Variants in ANK2 observed in about 807,000 individuals in gnomAD.
ANK2 encodes ankyrin-2.
ANK2 carries 83 observed loss-of-function variants against 360.5 expected under a neutral mutation model. The ratio of observed to expected loss-of-function variants is 0.23; its 90% CI spans 0.19 to 0.28. ANK2 has a LOEUF of 0.28. Among genes scored for constraint, ANK2 ranks in the 10% least tolerant of loss-of-function variants. The probability of loss-of-function intolerance (pLI) is 1.00; values close to 1 mark genes in which losing one functional copy is unlikely to be tolerated. For missense variants in ANK2, 4,201 were observed against 4,795.7 expected, an observed-to-expected ratio of 0.88 and a Z score of 3.66; for synonymous variants, 1,740 against 1,759.5, an observed-to-expected ratio of 0.99 and a Z score of 0.28.
At chr4:112,966,235 A>G (rs1274896592) in intron 2 of ANK2, among the ~76,000 whole-genome samples, 1 of 151,690 alleles carries the variant, frequency 6.6e-6, no homozygotes, top group East Asian at 1.9e-4. Flanking sequence ...GATTAAATTG[A>G]TATCTTCTAA....
At chr4:112,722,087 C>T in the ANK2 span, among the ~76,000 whole-genome samples, 10 of 152,146 alleles carry the variant, frequency 6.6e-5, no homozygotes, top group Admixed American at 4.6e-4. Context: ...TCACATTATT[C>T]GAGCCATTTC....
At chr4:113,271,479 G>GACAC (rs3059950) in intron 14 of ANK2, among the ~76,000 whole-genome samples, 21,117 of 150,284 alleles carry the variant, frequency 0.14, 2,722 homozygotes, top group African/African-American at 0.35. Context: ...TGCACGCACA[G>GACAC]ACACACACAC....
chr4:112,705,760 G>C, the ANK2 span, among the ~76,000 whole-genome samples: 1 of 152,258 alleles, frequency 6.6e-6, no homozygotes, highest in Non-Finnish European at 1.5e-5. Context: ...AGCGGCAGCG[G>C]CTAGGGAAGC....
chr4:112,961,487 G>T (rs2034814443), intron 2 of ANK2, among the ~76,000 whole-genome samples: 2 of 152,088 alleles, frequency 1.3e-5, no homozygotes, highest in Non-Finnish European at 2.9e-5. Context: ...GAAAAAGTGT[G>T]TGTTTAATAA....
intron 18 of ANK2, among the ~76,000 whole-genome samples, chr4:113,283,546 A>T (rs555866456): frequency 6.6e-6 from 1 of 152,184 alleles, no homozygotes; most frequent in Admixed American, 6.5e-5. Flanking sequence ...ATACAATGGC[A>T]GTCAAAGATA....
chr4:112,763,409 C>G, the ANK2 span, among the ~76,000 whole-genome samples: 1 of 149,368 alleles, frequency 6.7e-6, no homozygotes, highest in Non-Finnish European at 1.5e-5. Flanking sequence ...TTTTGTATTT[C>G]TTTTAGTAGA....
chr4:113,094,644 T>C (rs2090198838), intron 1 of ANK2, among the ~76,000 whole-genome samples: 1 of 152,196 alleles, frequency 6.6e-6, no homozygotes, highest in African/African-American at 2.4e-5. Context: ...AGATATTTAG[T>C]GTACATATTT....
At chr4:112,796,655 CTTTTTTTT>C in the ANK2 span, among the ~76,000 whole-genome samples, 1 of 135,670 alleles carries the variant, frequency 7.4e-6, no homozygotes, top group Non-Finnish European at 1.6e-5. Flanking sequence ...TGGCCACCTT[CTTTTTTTT>C]TTTTTTTTCT....
In ANK2 at chr4:113,163,669, C is replaced by A. The variant is rs1015276310; in HGVS notation, c.85-10747C>A. ...ATCCCAGCTACTCCACAGGCTGAGG[C>A]AGGAGAATCGCTTGAACCTGGGAGG... On this transcript the variant is annotated intron_variant, in intron 1 of 45. Transcript: ENST00000357077. 6.9e-5 allele frequency among the ~76,000 whole-genome samples: 10 copies of A among 145,844 alleles called. No homozygotes were observed. The Admixed American group carries it at 7.3e-4, about 11-fold the overall frequency.
At chr4:112,977,437 G>A (rs2041797368) in intron 2 of ANK2, among the ~76,000 whole-genome samples, 1 of 151,876 alleles carries the variant, frequency 6.6e-6, no homozygotes, top group South Asian at 2.1e-4. Flanking sequence ...AATTTGAATT[G>A]AGTGTAATGT....
chr4:112,892,703 T>A (rs2080430958), intron 1 of ANK2, among the ~76,000 whole-genome samples: 1 of 152,178 alleles, frequency 6.6e-6, no homozygotes, highest in Non-Finnish European at 1.5e-5. Context: ...ATGGTCAGAG[T>A]TGTAAAGATT....
intron 2 of ANK2, among the ~76,000 whole-genome samples, chr4:113,009,955 C>G (rs957996737): frequency 1.1e-4 from 16 of 152,216 alleles, no homozygotes; most frequent in African/African-American, 3.6e-4. Context: ...CACTCACACA[C>G]ACGTGCTTGT....
In ANK2 at chr4:113,356,147, T is replaced by C. The variant is rs557294831; in HGVS notation, c.7529T>C (p.Leu2510Pro). 1.2e-6 allele frequency: 2 copies of C among 1,613,930 alleles called. No individual in the cohort carries two copies. Among genetic ancestry groups the C allele is most frequent in the African/African-American group, 2.7e-5 (2 of 74,898 alleles). ...GTGGCCTCTGTGCGGTCCCGGCTAC[T>C]CCGAGACCCTGATGGCAGTGCTGAG... ...TEVASVRSRLLRDPDGSAEDD... is the reference protein window; with the variant it reads ...TEVASVRSRLPRDPDGSAEDD... The change falls in exon 38 of 46, where the codon CTC becomes CCC. Residue 2510 changes from leucine (L) to proline (P), a missense_variant. By Grantham distance (98) the Leu-to-Pro change is moderately conservative (BLOSUM62 -3). Coordinates refer to ENST00000357077, the MANE Select transcript of ANK2 (RefSeq NM_001148.6).
intron 1 of ANK2, among the ~76,000 whole-genome samples, chr4:113,133,270 AG>A (rs2096177783): frequency 6.6e-6 from 1 of 152,202 alleles, no homozygotes; most frequent in African/African-American, 2.4e-5. Flanking sequence ...TGGAGACAGC[AG>A]GTGAGATGTA....
intron 2 of ANK2, among the ~76,000 whole-genome samples, chr4:112,958,520 C>T (rs1334005127): frequency 5.3e-5 from 8 of 151,736 alleles, no homozygotes; most frequent in South Asian, 2.1e-4. Flanking sequence ...GGCAGGGAGG[C>T]TGCAGCGAGC....
chr4:113,051,030 C>T (rs1263072355), intron 1 of ANK2, among the ~76,000 whole-genome samples: 1 of 152,070 alleles, frequency 6.6e-6, no homozygotes, highest in Non-Finnish European at 1.5e-5. Context: ...GTGATACAAT[C>T]TGATAACAGG....
chr4:112,760,129 C>A, the ANK2 span, among the ~76,000 whole-genome samples: 4 of 152,154 alleles, frequency 2.6e-5, no homozygotes, highest in Admixed American at 1.3e-4. Context: ...ACCTGCCCAC[C>A]CCAGTTACGT....
At chr4:113,145,895 T>C (rs921558493) in intron 1 of ANK2, 2 of 1,289,666 alleles carry the variant, frequency 1.6e-6, no homozygotes, top group South Asian at 1.2e-5. Flanking sequence ...TCTGCTCTTC[T>C]TGCCATGCGG....
intron 5 of ANK2, among the ~76,000 whole-genome samples, chr4:113,235,751 C>T (rs1050273685): frequency 1.5e-5 from 2 of 136,366 alleles, no homozygotes; most frequent in Non-Finnish European, 3.2e-5. Flanking sequence ...TGCAGTCTTT[C>T]TTTTTTTTGA....
Sources: allele counts gnomAD v4.1 joint callset (sites outside exome capture counted in the v4.1 genomes callset), GRCh38; gene constraint gnomAD v4.1.1; transcripts MANE v1.5; gene names NCBI Gene and HGNC (gene_info 2026-07-23, HGNC 2026-07-21).